The following TSHZ2 variants were observed in gnomAD, a reference collection of about 807,000 sequenced individuals.
TSHZ2 encodes teashirt zinc finger homeobox 2.
A neutral mutation model predicts 74.4 loss-of-function variants in TSHZ2; 21 were observed. That is an observed-to-expected ratio of 0.28 (90% CI 0.20 to 0.41). The LOEUF (loss-of-function observed/expected upper bound fraction) is 0.41. Ranked by LOEUF, TSHZ2 falls within the 10% of genes least tolerant of loss-of-function variation. TSHZ2 has a pLI of 1.00. For synonymous variants in TSHZ2, 540 were observed against 515.3 expected (o/e 1.05, Z -0.65); for missense variants, 1,244 against 1,293.5 (o/e 0.96, Z 0.59).
intron 2 of TSHZ2, among the ~76,000 whole-genome samples, chr20:53,393,185 C>T (rs766877683): frequency 6.6e-6 from 1 of 152,132 alleles, no homozygotes; most frequent in Non-Finnish European, 1.5e-5. Context: ...AAATATGCTT[C>T]GATGTCTATT....
intron 1 of TSHZ2, among the ~76,000 whole-genome samples, chr20:53,048,485 G>A (rs1321320340): frequency 2.0e-5 from 3 of 152,058 alleles, no homozygotes; most frequent in Non-Finnish European, 2.9e-5. Context: ...TAGCATCCAC[G>A]TTCCGTGCAA....
Position 53,255,558 on chromosome 20 carries a change from C to T in TSHZ2, c.2100C>T (p.Ser700=), listed in dbSNP as rs149168062. Residue 700 remains serine (S), a synonymous_variant, in exon 2 of 3, where the codon TCC becomes TCT. Transcript: ENST00000371497. The surrounding 1 kb of genome is among the most constrained non-coding windows in gnomAD (Gnocchi z 4.1). ...PCINPLSALQ[S]VLNNHLGKAT... is the part of the protein sequence containing the mutation. ...TCAACCCACTCAGCGCCCTGCAGTC[C>T]GTCCTGAACAATCACTTGGGCAAAG... is the stretch of plus-strand genomic sequence containing the variant. 125 of 1,581,348 alleles carry T rather than the reference C, an allele frequency of 7.9e-5. No homozygotes were observed. The highest frequency in any genetic ancestry group is 1.7e-4 in the Middle Eastern group (1 of 5,906).
chr20:53,297,905 T>C (rs1991409352), intron 2 of TSHZ2, among the ~76,000 whole-genome samples: 1 of 152,252 alleles, frequency 6.6e-6, no homozygotes, highest in African/African-American at 2.4e-5. Context: ...CTGCAGAATT[T>C]AGTGGCCTCT....
intron 1 of TSHZ2, among the ~76,000 whole-genome samples, chr20:53,084,727 CT>C (rs1985645750): frequency 7.0e-6 from 1 of 141,856 alleles, no homozygotes; most frequent in African/African-American, 2.6e-5. Context: ...CCCTCCCTCC[CT>C]TCCTTCCTTC....
intron 2 of TSHZ2, among the ~76,000 whole-genome samples, chr20:53,351,782 CA>C (rs1348813617): frequency 6.6e-6 from 1 of 152,178 alleles, no homozygotes; most frequent in African/African-American, 2.4e-5. Context: ...CAGGTGGTAG[CA>C]AAAACAGACA....
At chr20:53,268,563 C>T (rs1990765765) in intron 2 of TSHZ2, among the ~76,000 whole-genome samples, 1 of 152,212 alleles carries the variant, frequency 6.6e-6, no homozygotes. Flanking sequence ...TTTGCTTTGC[C>T]TCTTCTTTCC....
At chr20:53,293,493 A>G (rs1358518013) in intron 2 of TSHZ2, among the ~76,000 whole-genome samples, 1 of 152,036 alleles carries the variant, frequency 6.6e-6, no homozygotes, top group African/African-American at 2.4e-5. Context: ...TTAATACATG[A>G]GAATTCCAGG....
At chr20:53,124,801 T>A (rs1230487102) in intron 1 of TSHZ2, among the ~76,000 whole-genome samples, 4 of 152,212 alleles carry the variant, frequency 2.6e-5, no homozygotes, top group African/African-American at 9.6e-5. Flanking sequence ...AGGGCCACAC[T>A]GTCAGCCAGA....
At chr20:53,269,955 T>G (rs1469517014) in intron 2 of TSHZ2, among the ~76,000 whole-genome samples, 3 of 152,168 alleles carry the variant, frequency 2.0e-5, no homozygotes, top group African/African-American at 7.2e-5. Context: ...AAATAATATA[T>G]TCTCATATCA....
At chr20:53,325,696 T>TTTC (rs1979461011) in intron 2 of TSHZ2, among the ~76,000 whole-genome samples, 1 of 125,260 alleles carries the variant, frequency 8.0e-6, no homozygotes, top group African/African-American at 2.7e-5. Flanking sequence ...TTGTTTGTTT[T>TTTC]TAACTGTGTG....
intron 1 of TSHZ2, among the ~76,000 whole-genome samples, chr20:52,981,207 T>C (rs562361371): frequency 1.3e-5 from 2 of 152,328 alleles, no homozygotes; most frequent in African/African-American, 4.8e-5. Context: ...ACTTGGGTTC[T>C]GGTTGCAGCC....
chr20:53,197,662 T>C (rs1256182865), intron 1 of TSHZ2, among the ~76,000 whole-genome samples: 1 of 152,242 alleles, frequency 6.6e-6, no homozygotes, highest in Admixed American at 6.5e-5. Flanking sequence ...ATTTAAATGT[T>C]ACCAAGTTCA....
Position 53,489,217 on chromosome 20 carries a change from A to G in TSHZ2, c.*2082A>G, listed in dbSNP as rs1038599477. 3.7e-5 allele frequency: 17 copies of G among 455,390 alleles called. No individual in the cohort carries two copies. The highest frequency in any genetic ancestry group is 6.5e-4 in the Middle Eastern group (2 of 3,092). 28.2% of individuals were successfully genotyped at this position (455,390 alleles called of 1,614,324 possible). On this transcript the variant is annotated 3_prime_UTR_variant, in exon 3 of 3. Coordinates refer to ENST00000371497, the MANE Select transcript of TSHZ2 (RefSeq NM_173485.6). The stretch of plus-strand genomic sequence containing the variant: ...TTCTGACATGAAAAGCAAGGTGCTG[A>G]TATTATTTTTTATGATGGGAGGATC...
rs183930832 is a variant in TSHZ2 at position 53,249,429 on chromosome 20, G to A, written c.41-4070G>A. ...TATTCTAACCTTACATCCAGTAGAA[G>A]AAGACATCAATCAATAAACAAATGG... On this transcript the variant is annotated intron_variant, in intron 1 of 2. Transcript: ENST00000371497. Among the ~76,000 whole-genome samples the A allele has an allele frequency of 3.4e-3, 514 of 152,346 alleles. 3 individuals are homozygous for A. Among genetic ancestry groups the A allele is most frequent in the Non-Finnish European group, 5.5e-3 (375 of 68,028 alleles).
At chr20:53,427,476 CTG>C (rs1439805006) in intron 2 of TSHZ2, among the ~76,000 whole-genome samples, 1 of 149,874 alleles carries the variant, frequency 6.7e-6, no homozygotes, top group East Asian at 2.0e-4. Context: ...GGGAAAAAAA[CTG>C]TGGAAGTTCA....
intron 2 of TSHZ2, chr20:53,401,319 T>C (rs1423422288): frequency 6.6e-6 from 1 of 152,278 alleles, no homozygotes; most frequent in Non-Finnish European, 1.5e-5. Context: ...CATAGGACAG[T>C]GGTCCCATAA....
rs1285852940 is a variant in TSHZ2 at position 53,490,708 on chromosome 20, G to A, written c.*3573G>A. The stretch of plus-strand genomic sequence containing the variant: ...TCACAGGCGCAAGCCGCTGAACTTA[G>A]TTGAGATGCAGAAAACAAACAAATG... On this transcript the variant is annotated 3_prime_UTR_variant, in exon 3 of 3. Transcript: ENST00000371497. The A allele has an allele frequency of 6.6e-6, 1 of 152,230 alleles. No homozygotes were observed. Among genetic ancestry groups the A allele is most frequent in the Admixed American group, 6.5e-5 (1 of 15,284 alleles). The allele number at this position is 152,230 out of a possible 1,614,324, so 9.4% of individuals were successfully genotyped here.
chr20:53,423,924 T>C (rs1405341147), intron 2 of TSHZ2, among the ~76,000 whole-genome samples: 2 of 152,158 alleles, frequency 1.3e-5, no homozygotes, highest in East Asian at 3.8e-4. Flanking sequence ...TGTTAGCGCC[T>C]ACAGACTAGA....
chr20:53,173,630 CAAT>C (rs1988255725), intron 1 of TSHZ2, among the ~76,000 whole-genome samples: 1 of 151,852 alleles, frequency 6.6e-6, no homozygotes, highest in South Asian at 2.1e-4. Flanking sequence ...ATAATAATAA[CAAT>C]AAAGCAGATC....
Sources: gnomAD v4.1 joint callset for allele counts (sites outside exome capture counted in the v4.1 genomes callset) on GRCh38, gnomAD v4.1.1 for gene constraint, Gnocchi (gnomAD v3.1) non-coding constraint, MANE v1.5 for transcripts, NCBI Gene and HGNC (gene_info 2026-07-23, HGNC 2026-07-21) for gene names.